CMYA5: variants seen among roughly 807,000 people sequenced by gnomAD.
CMYA5 encodes the protein cardiomyopathy associated 5.
A neutral mutation model predicts 318.9 loss-of-function variants in CMYA5; 246 were observed. The ratio of observed to expected loss-of-function variants is 0.77; its 90% CI spans 0.70 to 0.86. CMYA5 has a LOEUF of 0.86. Ranked by LOEUF, CMYA5 falls within the 40% of genes least tolerant of loss-of-function variation. CMYA5 has a pLI of 0.00. For synonymous variants in CMYA5, 1,641 were observed against 1,729.5 expected, an observed-to-expected ratio of 0.95 and a Z score of 1.27; for missense variants, 4,589 against 4,678.2, an observed-to-expected ratio of 0.98 and a Z score of 0.56.
chr5:79,769,628 A>C (rs779687451), intron 9 of CMYA5, among the ~76,000 whole-genome samples: 3 of 152,134 alleles, frequency 2.0e-5, no homozygotes, highest in Non-Finnish European at 2.9e-5. Context: ...TCACAAGCAG[A>C]GGCTGCAGAA....
intron 1 of CMYA5, among the ~76,000 whole-genome samples, chr5:79,727,580 A>G (rs1827774279): frequency 1.3e-5 from 2 of 152,362 alleles, no homozygotes; most frequent in East Asian, 1.9e-4. Context: ...TTCATCTTGC[A>G]TATTCCTAGG....
At chr5:79,775,351 A>G (rs1192462828) in intron 9 of CMYA5, among the ~76,000 whole-genome samples, 3 of 152,196 alleles carry the variant, frequency 2.0e-5, no homozygotes, top group African/African-American at 7.2e-5. Flanking sequence ...AGGCCTGTCA[A>G]TTTCCAAAAG....
In CMYA5 at chr5:79,734,127, G is replaced by C. The variant is rs1252340435; in HGVS notation, c.5362G>C (p.Asp1788His). 1 of 1,613,698 alleles carries C rather than the reference G, an allele frequency of 6.2e-7. No homozygotes were observed. Among genetic ancestry groups the C allele is most frequent in the East Asian group, 2.2e-5 (1 of 44,868 alleles). ...GGCACAAGTCATGGGAGATATTTTA[G>C]ATAAGCTAAGTGAAGAAACAGGCCA... ...LKAQVMGDILDKLSEETGHPN... is the reference protein window; with the variant it reads ...LKAQVMGDILHKLSEETGHPN... Residue 1788 changes from aspartate to histidine, a missense_variant, in exon 2 of 13, where the codon GAT becomes CAT. This residue lies in a region of CMYA5 where 2,132 missense variants were observed against 2,131.3 expected (regional missense o/e 1.00). Coordinates refer to ENST00000446378, the MANE Select transcript of CMYA5 (RefSeq NM_153610.5).
chr5:79,734,531 T>A lies in CMYA5; in HGVS notation c.5766T>A (p.Asn1922Lys). The A allele has an allele frequency of 2.5e-6, 4 of 1,613,808 alleles. No homozygotes were observed. The highest frequency in any genetic ancestry group is 3.4e-6 in the Non-Finnish European group (4 of 1,179,792). ...GSVQLDSSSS[N>K]ELRPGQLKAA... ...TGCAGCTGGATTCCTCTAGCAGCAATGAGCTGAGGCCAGGGCAGCTCAAGG... is the reference window on the plus strand; with the variant it reads ...TGCAGCTGGATTCCTCTAGCAGCAAAGAGCTGAGGCCAGGGCAGCTCAAGG... Residue 1922 changes from asparagine to lysine, a missense_variant, in exon 2 of 13, where the codon AAT becomes AAA. Transcript: ENST00000446378.
In CMYA5 at chr5:79,689,991, CGAG is replaced by C; in HGVS notation, c.91_93del (p.Glu31del). The C allele has an allele frequency of 6.9e-7, 1 of 1,439,176 alleles. No individual in the cohort carries two copies. The highest frequency in any genetic ancestry group is 9.4e-7 in the Non-Finnish European group (1 of 1,059,920). The allele number at this position is 1,439,176 out of a possible 1,614,324, so 89.2% of individuals were successfully genotyped here. On this transcript the variant is annotated inframe_deletion, in exon 1 of 13. Coordinates refer to ENST00000446378, the MANE Select transcript of CMYA5 (RefSeq NM_153610.5). ...AGGAGGCGACCCGGGAGCTGGAGAC[CGAG>C]GAGGAGTCGGAGGGCGAGGAGGACG...
At chr5:79,726,605 A>G (rs1322628945) in intron 1 of CMYA5, among the ~76,000 whole-genome samples, 1 of 152,168 alleles carries the variant, frequency 6.6e-6, no homozygotes, top group African/African-American at 2.4e-5. Flanking sequence ...GATATAATTT[A>G]TAGCACACTA....
intron 4 of CMYA5, among the ~76,000 whole-genome samples, chr5:79,746,382 A>C (rs2151090836): frequency 6.6e-6 from 1 of 152,258 alleles, no homozygotes; most frequent in Non-Finnish European, 1.5e-5. Context: ...AAGAGAACTA[A>C]ACTCATTACA....
intron 1 of CMYA5, among the ~76,000 whole-genome samples, chr5:79,704,204 G>GAA (rs367695716): frequency 1.4e-5 from 2 of 139,798 alleles, no homozygotes; most frequent in African/African-American, 5.2e-5. Context: ...TGGTGTCCAG[G>GAA]AAAAAAAAAA....
At position 79,735,886 on chromosome 5, in the gene CMYA5, C is replaced by T. The variant is rs980724447; in HGVS notation, c.7121C>T (p.Ser2374Leu). The T allele has an allele frequency of 2.5e-6, 4 of 1,580,266 alleles. No individual in the cohort carries two copies. The Admixed American group carries it at 8.0e-5, about 32-fold the overall frequency. Residue 2374 changes from serine to leucine, a missense_variant, in exon 2 of 13, where the codon TCA becomes TTA. Coordinates refer to ENST00000446378, the MANE Select transcript of CMYA5 (RefSeq NM_153610.5). ...EEPRSDQKQKSLLSFDVVDKV... is the reference protein window; with the variant it reads ...EEPRSDQKQKLLLSFDVVDKV... ...CCAAGAAGTGATCAAAAACAAAAAT[C>T]ACTCCTTTCATTTGATGTAGTAGAT...
intron 1 of CMYA5, among the ~76,000 whole-genome samples, chr5:79,717,632 T>A (rs1249732792): frequency 6.6e-6 from 1 of 152,194 alleles, no homozygotes; most frequent in African/African-American, 2.4e-5. Context: ...ATAGAGTTAA[T>A]GAATGGGAAG....
intron 1 of CMYA5, among the ~76,000 whole-genome samples, chr5:79,691,801 G>T (rs1307078753): frequency 6.6e-6 from 1 of 152,232 alleles, no homozygotes; most frequent in East Asian, 1.9e-4. Context: ...AGAACATGTG[G>T]CCAAGGTGGT....
chr5:79,692,162 A>AG (rs1225088592), intron 1 of CMYA5, among the ~76,000 whole-genome samples: 5 of 152,022 alleles, frequency 3.3e-5, no homozygotes. Context: ...TCCAAAAGGG[A>AG]GGGGGGTGTA....
Position 79,738,460 on chromosome 5 carries a change from A to T in CMYA5, c.9695A>T (p.Asp3232Val), listed in dbSNP as rs1449767536. Residue 3232 changes from aspartate (D) to valine (V), a missense_variant, in exon 2 of 13, where the codon GAT becomes GTT. This residue lies in a region of CMYA5 where 2,431 missense variants were observed against 2,495.1 expected (regional missense o/e 0.97). Transcript: ENST00000446378. ...SFPSRNSDTD[D>V]GTGIYFEKYI... ...CCCAGCAGAAATTCTGACACTGATGATGGAACAGGAATATATTTTGAGAAG... is the reference window on the plus strand; with the variant it reads ...CCCAGCAGAAATTCTGACACTGATGTTGGAACAGGAATATATTTTGAGAAG... The T allele has an allele frequency of 6.2e-7, 1 of 1,613,778 alleles. No individual in the cohort carries two copies. Among genetic ancestry groups the T allele is most frequent in the Admixed American group, 1.7e-5 (1 of 59,966 alleles).
intron 2 of CMYA5, among the ~76,000 whole-genome samples, chr5:79,741,033 A>C (rs1828198441): frequency 1.3e-5 from 2 of 151,950 alleles, no homozygotes; most frequent in African/African-American, 2.4e-5. Context: ...GCACTGCCAC[A>C]CTGGGTTAAT....
At chr5:79,767,279 G>T (rs621557) in intron 9 of CMYA5, among the ~76,000 whole-genome samples, 1 of 151,840 alleles carries the variant, frequency 6.6e-6, no homozygotes, top group African/African-American at 2.4e-5. Context: ...TTTTTTGAAG[G>T]GTTTTTTCAT....
chr5:79,776,202 G>A (rs1350760917), intron 9 of CMYA5, among the ~76,000 whole-genome samples: 3 of 152,070 alleles, frequency 2.0e-5, no homozygotes, highest in Admixed American at 2.0e-4. Flanking sequence ...TGGCCATTCA[G>A]CCCCCATGTT....
At position 79,747,534 on chromosome 5, in the gene CMYA5, A is replaced by T. The variant is rs1012418966; in HGVS notation, c.10991+421A>T. 1.3e-5 allele frequency among the ~76,000 whole-genome samples: 2 copies of T among 152,316 alleles called. 1 individual carries two copies. ...TGTTCTATCATTTTCTCTTCAAAAG[A>T]TAGTCATGCATTTATCTTCTCTTTC... On this transcript the variant is annotated intron_variant, in intron 5 of 12. Coordinates refer to ENST00000446378, the MANE Select transcript of CMYA5 (RefSeq NM_153610.5).
chr5:79,787,630 A>G (rs991747578), intron 9 of CMYA5, among the ~76,000 whole-genome samples: 10 of 152,182 alleles, frequency 6.6e-5, no homozygotes, highest in Non-Finnish European at 8.8e-5. Context: ...TAAAATAACA[A>G]CCAATATGAT....
chr5:79,700,512 A>C (rs1561626610), intron 1 of CMYA5, among the ~76,000 whole-genome samples: 2 of 152,254 alleles, frequency 1.3e-5, no homozygotes, highest in Non-Finnish European at 1.5e-5. Flanking sequence ...ACTCAATTTT[A>C]AAAAGACAAC....
Sources: allele counts gnomAD v4.1 joint callset (sites outside exome capture counted in the v4.1 genomes callset), GRCh38; gene constraint gnomAD v4.1.1; regional missense constraint gnomAD v4.1.1; transcripts MANE v1.5; gene names NCBI Gene and HGNC (gene_info 2026-07-23, HGNC 2026-07-21).